Variants in COMMD10 observed in about 807,000 individuals in gnomAD.
The protein encoded by COMMD10 is COMM domain-containing protein 10.
In COMMD10, 33 loss-of-function variants were observed where a neutral mutation model predicts 28.9. The ratio of observed to expected loss-of-function variants is 1.14; its 90% CI spans 0.87 to 1.53. COMMD10 has a LOEUF of 1.53. Ranked by LOEUF, COMMD10 falls within the 40% of genes most tolerant of loss-of-function variation. COMMD10 has a pLI of 0.00. For synonymous variants in COMMD10, 110 were observed against 81.7 expected (o/e 1.35, Z -1.87); for missense variants, 310 against 233.4 (o/e 1.33, Z -2.14).
chr5:116,172,241 T>C (rs1042156835), intron 5 of COMMD10, among the ~76,000 whole-genome samples: 1 of 151,806 alleles, frequency 6.6e-6, no homozygotes, highest in South Asian at 2.1e-4. Flanking sequence ...TGGAGGGAGG[T>C]GTGAGAGGAA....
chr5:116,278,814 A>G (rs930933963), intron 5 of COMMD10, among the ~76,000 whole-genome samples: 9 of 151,830 alleles, frequency 5.9e-5, no homozygotes, highest in Admixed American at 5.3e-4. Flanking sequence ...TAACTACAGA[A>G]TAAATACTTA....
In COMMD10 at chr5:116,142,708, C is replaced by A. The variant is rs186486781; in HGVS notation, c.510+8530C>A. On this transcript the variant is annotated intron_variant, in intron 5 of 6. Coordinates refer to ENST00000274458, the MANE Select transcript of COMMD10 (RefSeq NM_016144.4). ...GATATTTTTGTAATATTATAGCGCC[C>A]CCTCTTTTAAACTTTTGTATTACTT... Among the ~76,000 whole-genome samples, 73 of 151,676 alleles carry A rather than the reference C, an allele frequency of 4.8e-4. No individual in the cohort carries two copies. The South Asian group carries it at 7.3e-3, about 15-fold the overall frequency.
intron 5 of COMMD10, among the ~76,000 whole-genome samples, chr5:116,226,704 T>C (rs1287868970): frequency 6.6e-6 from 1 of 152,010 alleles, no homozygotes; most frequent in Non-Finnish European, 1.5e-5. Context: ...ATAAAGATAA[T>C]AGAAATGAAA....
At chr5:116,171,195 GACA>G (rs2112581629) in intron 5 of COMMD10, among the ~76,000 whole-genome samples, 1 of 152,256 alleles carries the variant, frequency 6.6e-6, no homozygotes, top group South Asian at 2.1e-4. Flanking sequence ...CTTAAAAGAA[GACA>G]TTTATGCAGC....
intron 5 of COMMD10, among the ~76,000 whole-genome samples, chr5:116,283,655 TGAGGCCTGGCCTCAAAATAACAAC>T (rs1751135950): frequency 6.6e-6 from 1 of 151,768 alleles, no homozygotes; most frequent in African/African-American, 2.4e-5. Context: ...CCTGTTATTT[TGAGGCCTGGCCTCAAAATAACAAC>T]TTTTTAACCA....
chr5:116,179,626 A>G (rs762102213), intron 5 of COMMD10, among the ~76,000 whole-genome samples: 1 of 152,178 alleles, frequency 6.6e-6, no homozygotes, highest in Non-Finnish European at 1.5e-5. Context: ...AAGGTATACA[A>G]TAGGAATTAA....
At chr5:116,218,368 C>G (rs1476845602) in intron 5 of COMMD10, 2 of 579,398 alleles carry the variant, frequency 3.5e-6, no homozygotes, top group Non-Finnish European at 6.3e-6. Context: ...TTTGGTGAGT[C>G]CAGGGGTCGT....
intron 5 of COMMD10, among the ~76,000 whole-genome samples, chr5:116,237,339 A>G (rs542026239): frequency 1.3e-5 from 2 of 152,308 alleles, no homozygotes; most frequent in Admixed American, 6.5e-5. Flanking sequence ...AAGTGTTTAC[A>G]GAGTAGAATA....
At chr5:116,234,899 T>G (rs757256690) in intron 5 of COMMD10, among the ~76,000 whole-genome samples, 1 of 152,188 alleles carries the variant, frequency 6.6e-6, no homozygotes, top group Non-Finnish European at 1.5e-5. Flanking sequence ...GGGTGACAGC[T>G]CTGCTAAGCC....
intron 5 of COMMD10, among the ~76,000 whole-genome samples, chr5:116,272,352 TG>T (rs559820565): frequency 6.6e-6 from 1 of 152,026 alleles, no homozygotes; most frequent in African/African-American, 2.4e-5. Context: ...AAAATTGCTC[TG>T]TGTGATTAGA....
At chr5:116,266,689 A>T (rs1008834412) in intron 5 of COMMD10, among the ~76,000 whole-genome samples, 4 of 151,792 alleles carry the variant, frequency 2.6e-5, no homozygotes, top group African/African-American at 9.7e-5. Context: ...TCGATGCAAA[A>T]ATCCTCAATA....
At chr5:116,178,371 C>G (rs1392744586) in intron 5 of COMMD10, among the ~76,000 whole-genome samples, 1 of 151,932 alleles carries the variant, frequency 6.6e-6, no homozygotes, top group Non-Finnish European at 1.5e-5. Flanking sequence ...AGATTAAAGC[C>G]TTAAACAAAA....
intron 5 of COMMD10, among the ~76,000 whole-genome samples, chr5:116,225,201 AT>A (rs1410754303): frequency 1.3e-5 from 2 of 151,662 alleles, no homozygotes; most frequent in Non-Finnish European, 2.9e-5. Flanking sequence ...CTGATAGCAT[AT>A]TTTTCTTCAG....
rs761332339 is a variant in COMMD10, at chr5:116,173,849, GTTTTTTT to G, written c.510+39678_510+39684del. ...TTTTGTTTTGTTTTGTTTTGTTTTTGTTTTTTTTTTTTTGGAACAAGGACAGTCATAA... is the reference window on the plus strand; with the variant it reads ...TTTTGTTTTGTTTTGTTTTGTTTTTGTTTTTTGGAACAAGGACAGTCATAA... On this transcript the variant is annotated intron_variant, in intron 5 of 6. Transcript: ENST00000274458. 2.1e-3 allele frequency among the ~76,000 whole-genome samples: 243 copies of G among 117,168 alleles called. 4 individuals carry two copies. Among genetic ancestry groups the G allele is most frequent in the African/African-American group, 8.5e-3 (226 of 26,696 alleles). The allele number at this position is 117,168 out of a possible 152,430, so 76.9% of individuals were successfully genotyped here.
At chr5:116,163,725 T>G (rs1417236312) in intron 5 of COMMD10, among the ~76,000 whole-genome samples, 1 of 152,180 alleles carries the variant, frequency 6.6e-6, no homozygotes, top group African/African-American at 2.4e-5. Flanking sequence ...AGATTATTCT[T>G]TTATTATAAA....
chr5:116,286,942 G>A (rs1751233745), intron 5 of COMMD10, among the ~76,000 whole-genome samples: 1 of 151,772 alleles, frequency 6.6e-6, no homozygotes, highest in Admixed American at 6.6e-5. Flanking sequence ...ATTGTTGAAA[G>A]TGGAATATTG....
chr5:116,189,996 C>A (rs1202111736), intron 5 of COMMD10, among the ~76,000 whole-genome samples: 1 of 152,166 alleles, frequency 6.6e-6, no homozygotes, highest in Non-Finnish European at 1.5e-5. Flanking sequence ...GCTACCTCCA[C>A]CAATTCAGAG....
At chr5:116,183,910 C>T (rs1748056033) in intron 5 of COMMD10, among the ~76,000 whole-genome samples, 1 of 152,062 alleles carries the variant, frequency 6.6e-6, no homozygotes, top group Non-Finnish European at 1.5e-5. Flanking sequence ...TTATATGTTT[C>T]CATGCACTGC....
chr5:116,282,372 T>G (rs2112709425), intron 5 of COMMD10, among the ~76,000 whole-genome samples: 1 of 152,002 alleles, frequency 6.6e-6, no homozygotes, highest in South Asian at 2.1e-4. Context: ...TCCAAACTGG[T>G]TTCTCCATAT....
Sources: gnomAD v4.1 joint callset for allele counts (sites outside exome capture counted in the v4.1 genomes callset) on GRCh38, gnomAD v4.1.1 for gene constraint, MANE v1.5 for transcripts, NCBI Gene and HGNC (gene_info 2026-07-23, HGNC 2026-07-21) for gene names.